The following AGBL1 variants were observed in gnomAD, a reference collection of about 807,000 sequenced individuals.
The protein encoded by AGBL1 is cytosolic carboxypeptidase 4.
Under a neutral mutation model 118.9 loss-of-function variants are expected in AGBL1, and 130 were observed. The observed-to-expected ratio is 1.09, with a 90% CI of 0.95 to 1.26. The LOEUF (loss-of-function observed/expected upper bound fraction) is 1.26, where lower values mean the gene tolerates loss of function less well. Among genes scored for constraint, AGBL1 ranks in the 50% most tolerant of loss-of-function variants. The probability of loss-of-function intolerance (pLI) is 0.00; values close to 1 mark genes in which losing one functional copy is unlikely to be tolerated. For synonymous variants in AGBL1, 555 were observed against 478.9 expected (o/e 1.16, Z -2.08); for missense variants, 1,584 against 1,298.1 (o/e 1.22, Z -3.38).
intron 4 of AGBL1, among the ~76,000 whole-genome samples, chr15:86,157,742 C>A (rs1271454590): frequency 6.6e-6 from 1 of 152,184 alleles, no homozygotes; most frequent in Non-Finnish European, 1.5e-5. Flanking sequence ...TAAACAGCTC[C>A]TATCTTCAGA....
chr15:86,991,775 A>G (rs1389371819), intron 24 of AGBL1, among the ~76,000 whole-genome samples: 3 of 152,162 alleles, frequency 2.0e-5, no homozygotes, highest in Non-Finnish European at 2.9e-5. Context: ...CATTCTGGTC[A>G]ATAGAAATTC....
chr15:86,697,966 C>T (rs921485951), intron 22 of AGBL1, among the ~76,000 whole-genome samples: 5 of 151,932 alleles, frequency 3.3e-5, no homozygotes, highest in Non-Finnish European at 1.5e-5. Context: ...CAATCCACTT[C>T]CTTCAAAGAG....
At chr15:86,850,770 G>A (rs952574097) in intron 22 of AGBL1, among the ~76,000 whole-genome samples, 3 of 151,998 alleles carry the variant, frequency 2.0e-5, no homozygotes, top group East Asian at 1.9e-4. Context: ...TTGTCATATA[G>A]CAAGTATTTA....
intron 1 of AGBL1, among the ~76,000 whole-genome samples, chr15:86,123,074 C>T (rs1234794575): frequency 6.6e-6 from 1 of 152,156 alleles, no homozygotes; most frequent in African/African-American, 2.4e-5. Flanking sequence ...GGAAAATCTG[C>T]ATTCTATAGA....
chr15:86,475,000 T>A (rs1478625363), intron 18 of AGBL1, among the ~76,000 whole-genome samples: 1 of 152,184 alleles, frequency 6.6e-6, no homozygotes, highest in African/African-American at 2.4e-5. Context: ...CCAACAGACC[T>A]GCAGCTGAGG....
At chr15:86,270,498 G>A (rs934229325) in intron 14 of AGBL1, among the ~76,000 whole-genome samples, 6 of 152,078 alleles carry the variant, frequency 3.9e-5, no homozygotes, top group East Asian at 1.9e-4. Context: ...CTGAATACCC[G>A]TGGCCATTTT....
At chr15:86,926,721 T>C (rs1445780663) in intron 23 of AGBL1, among the ~76,000 whole-genome samples, 1 of 151,982 alleles carries the variant, frequency 6.6e-6, no homozygotes, top group African/African-American at 2.4e-5. Context: ...GAAATAGAGG[T>C]AAAAAATTGC....
chr15:86,449,848 G>A (rs1256767393), intron 18 of AGBL1, among the ~76,000 whole-genome samples: 1 of 152,098 alleles, frequency 6.6e-6, no homozygotes, highest in Non-Finnish European at 1.5e-5. Context: ...ACCCAGGAGA[G>A]CCATACTTTG....
intron 21 of AGBL1, among the ~76,000 whole-genome samples, chr15:86,647,322 A>C (rs1381185622): frequency 6.6e-6 from 1 of 152,242 alleles, no homozygotes; most frequent in Non-Finnish European, 1.5e-5. Flanking sequence ...TTGATTATTT[A>C]CTATATGCTA....
At chr15:86,168,745 T>G (rs2077375740) in intron 5 of AGBL1, among the ~76,000 whole-genome samples, 2 of 152,180 alleles carry the variant, frequency 1.3e-5, no homozygotes, top group South Asian at 4.1e-4. Flanking sequence ...CAGCAGCATA[T>G]GAATGTCCAT....
At chr15:86,838,493 C>A (rs956581786) in intron 22 of AGBL1, among the ~76,000 whole-genome samples, 4 of 152,108 alleles carry the variant, frequency 2.6e-5, no homozygotes, top group Admixed American at 2.6e-4. Context: ...CCAGGAATAA[C>A]GTTTGACTGT....
At position 86,219,123 on chromosome 15, in the gene AGBL1, C is replaced by T. The variant is rs554040523; in HGVS notation, c.489-5791C>T. On this transcript the variant is annotated intron_variant, in intron 5 of 22. Transcript: ENST00000614907. ...TGGTCCTATGTTTCCTCCATGTACC[C>T]AGGGATAGGAGCACATTTTTTCTCC... Among the ~76,000 whole-genome samples, 91 of 152,292 alleles carry T rather than the reference C, an allele frequency of 6.0e-4. 1 individual carries two copies. The highest frequency in any genetic ancestry group is 2.0e-3 in the African/African-American group (85 of 41,570).
Position 86,118,005 on chromosome 15 carries a change from C to G in AGBL1, c.52-23999C>G, listed in dbSNP as rs76589530. On this transcript the variant is annotated intron_variant, in intron 1 of 22. Coordinates refer to ENST00000614907, the MANE Select transcript of AGBL1 (RefSeq NM_001386094.1). ...ATCTTCTTGATTTGAAAAGTCTCTG[C>G]TTATTCCAGTGTTTGTGCTGTCACA... Among the ~76,000 whole-genome samples, 677 of 152,342 alleles carry G rather than the reference C, an allele frequency of 4.4e-3. 5 individuals carry two copies. The highest frequency in any genetic ancestry group is 0.016 in the African/African-American group (651 of 41,582).
chr15:86,688,874 C>T (rs2142593689), intron 22 of AGBL1, among the ~76,000 whole-genome samples: 1 of 152,134 alleles, frequency 6.6e-6, no homozygotes, highest in South Asian at 2.1e-4. Context: ...CGTCACTCTA[C>T]TCCAGTATCC....
At chr15:86,470,088 T>G (rs925464939) in intron 18 of AGBL1, among the ~76,000 whole-genome samples, 1 of 152,168 alleles carries the variant, frequency 6.6e-6, no homozygotes, top group Non-Finnish European at 1.5e-5. Context: ...CACAATTCCA[T>G]TTGCCCATTT....
intron 23 of AGBL1, among the ~76,000 whole-genome samples, chr15:86,922,926 C>G (rs182802954): frequency 5.3e-5 from 8 of 152,260 alleles, no homozygotes; most frequent in African/African-American, 1.9e-4. Context: ...ATTATCACAG[C>G]TGTGGTAGAA....
chr15:86,771,751 A>AT (rs1336885931), intron 22 of AGBL1, among the ~76,000 whole-genome samples: 1 of 151,856 alleles, frequency 6.6e-6, no homozygotes, highest in Non-Finnish European at 1.5e-5. Flanking sequence ...CTCCTTAATT[A>AT]TTTTTTTCTC....
At chr15:86,806,779 T>A (rs1408862755) in intron 22 of AGBL1, among the ~76,000 whole-genome samples, 2 of 151,092 alleles carry the variant, frequency 1.3e-5, no homozygotes, top group South Asian at 2.1e-4. Context: ...ATATACATAA[T>A]GCATATAATA....
intron 21 of AGBL1, among the ~76,000 whole-genome samples, chr15:86,654,096 A>G (rs992711201): frequency 4.6e-5 from 7 of 152,154 alleles, no homozygotes; most frequent in Non-Finnish European, 8.8e-5. Context: ...CTGATAATCA[A>G]AATGCGAAGA....
Sources: allele counts gnomAD v4.1 joint callset (sites outside exome capture counted in the v4.1 genomes callset), GRCh38; gene constraint gnomAD v4.1.1; transcripts MANE v1.5; gene names NCBI Gene and HGNC (gene_info 2026-07-23, HGNC 2026-07-21).